Variants in ATR observed in about 807,000 individuals in gnomAD.
ATR encodes the protein ATR checkpoint kinase, also known as serine/threonine-protein kinase ATR.
A neutral mutation model predicts 305.3 loss-of-function variants in ATR; 142 were observed. The ratio of observed to expected loss-of-function variants is 0.47; its 90% CI spans 0.41 to 0.53. ATR has a LOEUF of 0.53. Among genes scored for constraint, ATR ranks in the 20% least tolerant of loss-of-function variants. ATR has a pLI of 0.00. For synonymous variants in ATR, 1,050 were observed against 1,068.1 expected (o/e 0.98, Z 0.33); for missense variants, 2,135 against 3,133.1 (o/e 0.68, Z 7.60).
chr3:142,553,525 C>T (rs1278475403), intron 12 of ATR, 115 bp downstream of exon 12: 1 of 1,451,670 alleles, frequency 6.9e-7, no homozygotes, highest in Non-Finnish European at 9.5e-7. Context: ...TTCATGTTGA[C>T]TCACATTTTG....
At chr3:142,534,941 C>A in intron 21 of ATR, 139 bp downstream of exon 21, 2 of 952,756 alleles carry the variant, frequency 2.1e-6, no homozygotes, top group East Asian at 5.6e-5. Flanking sequence ...TCCTAATTCT[C>A]AGTCAGATCT....
intron 21 of ATR, among the ~76,000 whole-genome samples, chr3:142,531,465 C>CTCATCGT (rs1437015458): frequency 1.3e-5 from 2 of 151,922 alleles, no homozygotes; most frequent in East Asian, 3.9e-4. Context: ...TCCATGTGTT[C>CTCATCGT]TCATTGTTCA....
intron 35 of ATR, among the ~76,000 whole-genome samples, chr3:142,492,642 C>T (rs1040741221): frequency 6.6e-6 from 1 of 152,058 alleles, no homozygotes; most frequent in African/African-American, 2.4e-5. Flanking sequence ...CGAATATATG[C>T]AAATAAAAAT....
chr3:142,506,641 C>T (rs1425375856), intron 28 of ATR, among the ~76,000 whole-genome samples: 5 of 152,040 alleles, frequency 3.3e-5, no homozygotes, highest in Non-Finnish European at 7.4e-5. Context: ...GAGCCGAGCT[C>T]GTGCCACTGT....
At chr3:142,567,231 G>C (rs1365003062) in intron 2 of ATR, among the ~76,000 whole-genome samples, 1 of 152,116 alleles carries the variant, frequency 6.6e-6, no homozygotes, top group African/African-American at 2.4e-5. Flanking sequence ...ATACAATATG[G>C]TAACAGCACT....
At chr3:142,576,448 A>G (rs190960138) in intron 1 of ATR, among the ~76,000 whole-genome samples, 23 of 152,356 alleles carry the variant, frequency 1.5e-4, no homozygotes, top group African/African-American at 4.6e-4. Context: ...AGCACAGATT[A>G]AAAGAGGGCC....
chr3:142,452,817 CTGT>C (rs1293926553), intron 46 of ATR: 5 of 1,202,592 alleles, frequency 4.2e-6, no homozygotes, highest in African/African-American at 1.6e-5. Context: ...AAGCTCAGAC[CTGT>C]TGTTCTGTAA....
At chr3:142,472,070 C>T (rs886336217) in intron 36 of ATR, 1 of 144,524 alleles carries the variant, frequency 6.9e-6, no homozygotes, top group Admixed American at 6.9e-5. Flanking sequence ...TTTTTTAAGC[C>T]TGAATAGTAT....
intron 45 of ATR, among the ~76,000 whole-genome samples, chr3:142,454,693 G>A (rs1033336235): frequency 2.6e-5 from 4 of 151,744 alleles, no homozygotes; most frequent in African/African-American, 9.7e-5. Flanking sequence ...CGCCCGCCTC[G>A]GCCTCCCAAA....
At chr3:142,514,384 C>A (rs866841531) in intron 25 of ATR, among the ~76,000 whole-genome samples, 1 of 152,010 alleles carries the variant, frequency 6.6e-6, no homozygotes, top group Non-Finnish European at 1.5e-5. Context: ...AATACCAGTA[C>A]TTTGAGGGGC....
chr3:142,483,055 C>T (rs2030641940), intron 36 of ATR, among the ~76,000 whole-genome samples: 1 of 140,252 alleles, frequency 7.1e-6, no homozygotes. Flanking sequence ...ATCCAGGCTG[C>T]TGTGCAGTGG....
chr3:142,577,113 G>T (rs913390099), intron 1 of ATR, among the ~76,000 whole-genome samples: 9 of 151,920 alleles, frequency 5.9e-5, no homozygotes, highest in Non-Finnish European at 1.3e-4. Context: ...TAGCTTTTTT[G>T]ATTCAAGTAG....
At chr3:142,488,563 C>G (rs568080144) in intron 35 of ATR, among the ~76,000 whole-genome samples, 1 of 152,216 alleles carries the variant, frequency 6.6e-6, no homozygotes, top group African/African-American at 2.4e-5. Flanking sequence ...ATGTGGTCTA[C>G]AGATAGTTAA....
Position 142,459,290 on chromosome 3 carries a change from A to C in ATR, c.7286T>G (p.Leu2429Arg). The C allele has an allele frequency of 6.2e-7, 1 of 1,614,026 alleles. No homozygotes were observed. The highest frequency in any genetic ancestry group is 8.5e-7 in the Non-Finnish European group (1 of 1,179,880). Reference protein sequence around the residue: ...EKLKVFREFLLPRHPPIFHEW... With the variant: ...EKLKVFREFLRPRHPPIFHEW... Reference sequence around the variant, plus strand: ...ATGAAAAATAGGAGGATGCCTGGGCAGGAGAAATTCTCGGAATACTTTGAG... The same window carrying C: ...ATGAAAAATAGGAGGATGCCTGGGCCGGAGAAATTCTCGGAATACTTTGAG... Residue 2429 changes from leucine to arginine, a missense_variant, in exon 43 of 47, where the codon CTG becomes CGG. Physicochemically the swap from Leu to Arg is moderately radical, Grantham distance 102. Around this residue, in one of 9 missense-constraint regions of ATR, gnomAD observed 462 missense variants for 887.6 expected, o/e 0.52. Coordinates refer to ENST00000350721, the MANE Select transcript of ATR (RefSeq NM_001184.4).
intron 45 of ATR, among the ~76,000 whole-genome samples, chr3:142,455,440 C>T (rs2070883621): frequency 6.6e-6 from 1 of 151,958 alleles, no homozygotes; most frequent in African/African-American, 2.4e-5. Flanking sequence ...TACAAGGGAC[C>T]CATAATAGCT....
intron 34 of ATR, among the ~76,000 whole-genome samples, chr3:142,494,023 G>C (rs1233774668): frequency 6.6e-6 from 1 of 150,970 alleles, no homozygotes; most frequent in Non-Finnish European, 1.5e-5. Flanking sequence ...AACAGAGCAA[G>C]ACTCTGTCTC....
intron 3 of ATR, among the ~76,000 whole-genome samples, chr3:142,563,869 T>C (rs960876521): frequency 3.3e-5 from 5 of 152,140 alleles, no homozygotes; most frequent in African/African-American, 1.2e-4. Context: ...AACGCACCAT[T>C]GATGAGAAAG....
intron 1 of ATR, among the ~76,000 whole-genome samples, chr3:142,574,270 G>C (rs2035365937): frequency 6.6e-6 from 1 of 151,742 alleles, no homozygotes; most frequent in African/African-American, 2.4e-5. Flanking sequence ...TTTGAGACCA[G>C]CCTGGGCAAC....
chr3:142,563,240 A>C, intron 3 of ATR, 131 bp from the exon 4 acceptor site: 2 of 933,824 alleles, frequency 2.1e-6, no homozygotes, highest in Non-Finnish European at 3.2e-6. Flanking sequence ...TCTCTTCACA[A>C]TGGAAACATA....
Sources: allele counts gnomAD v4.1 joint callset (sites outside exome capture counted in the v4.1 genomes callset), GRCh38; gene constraint gnomAD v4.1.1; regional missense constraint gnomAD v4.1.1; transcripts MANE v1.5; gene names NCBI Gene and HGNC (gene_info 2026-07-23, HGNC 2026-07-21).